The following BRWD3 variants were observed in gnomAD, a reference collection of about 807,000 sequenced individuals.
BRWD3 encodes the protein bromodomain and WD repeat-containing protein 3.
In BRWD3, 10 loss-of-function variants were observed where a neutral mutation model predicts 149.7. The ratio of observed to expected loss-of-function variants is 0.07; its 90% CI spans 0.04 to 0.11. BRWD3 has a LOEUF of 0.11. BRWD3 is among the 10% of genes least tolerant of loss of function. The pLI is 1.00. For synonymous variants in BRWD3, 504 were observed against 456.7 expected, an observed-to-expected ratio of 1.10 and a Z score of -1.32; for missense variants, 940 against 1,373.2, an observed-to-expected ratio of 0.68 and a Z score of 4.99.
At chrX:80,698,735 CAT>C (rs1187032616) in intron 25 of BRWD3, among the ~76,000 whole-genome samples, 2 of 106,426 alleles carry the variant, frequency 1.9e-5, no homozygotes, top group Non-Finnish European at 3.9e-5. Context: ...TAAGAAATCA[CAT>C]GTTTTATTGA....
chrX:80,735,499 A>T (rs1475976294), intron 9 of BRWD3, among the ~76,000 whole-genome samples: 1 of 111,824 alleles, frequency 8.9e-6, no homozygotes, highest in Non-Finnish European at 1.9e-5. Context: ...AAGATTTTCT[A>T]TATAAATTGT....
chrX:80,759,002 A>C (rs2073774529), intron 6 of BRWD3, among the ~76,000 whole-genome samples: 1 of 111,467 alleles, frequency 9.0e-6, no homozygotes, highest in Admixed American at 9.6e-5. Context: ...TTCTTCTGGG[A>C]GGTCTCTAGT....
At chrX:80,735,077 T>A (rs1444631392) in intron 10 of BRWD3, 50 bp downstream of exon 10, 6 of 1,034,227 alleles carry the variant, frequency 5.8e-6, no homozygotes, top group Non-Finnish European at 8.2e-6. Context: ...CTTTCACAAC[T>A]GGATCGTTAA....
chrX:80,692,025 A>G, intron 29 of BRWD3, 47 bp from the exon 30 acceptor site: 1 of 1,178,419 alleles, frequency 8.5e-7, no homozygotes, highest in Non-Finnish European at 1.1e-6. Flanking sequence ...TTATTTTCCA[A>G]TATCATGTGA....
chrX:80,699,219 T>C (rs2147706024), intron 25 of BRWD3, among the ~76,000 whole-genome samples: 1 of 110,589 alleles, frequency 9.0e-6, no homozygotes, highest in African/African-American at 3.3e-5. Context: ...CGTTGCAAAA[T>C]AAATAAAAAA....
At chrX:80,712,071 A>G (rs2072977726) in intron 20 of BRWD3, among the ~76,000 whole-genome samples, 1 of 111,956 alleles carries the variant, frequency 8.9e-6, no homozygotes, top group South Asian at 3.7e-4. Context: ...TATCTTTAGA[A>G]TAAATTTAGT....
At chrX:80,703,987 TAA>T (rs1214321067) in intron 23 of BRWD3, among the ~76,000 whole-genome samples, 1 of 112,262 alleles carries the variant, frequency 8.9e-6, no homozygotes, top group Non-Finnish European at 1.9e-5. Context: ...AAGTTAAAAT[TAA>T]AATAACTACA....
intron 5 of BRWD3, 51 bp downstream of exon 5, chrX:80,793,571 A>G (rs1286677322): frequency 8.8e-7 from 1 of 1,132,226 alleles, no homozygotes; most frequent in Admixed American, 2.3e-5. Flanking sequence ...AAAATAAGCT[A>G]CTCTCCACTC....
intron 39 of BRWD3, among the ~76,000 whole-genome samples, 199 bp downstream of exon 39, chrX:80,681,798 T>G (rs2072451862): frequency 1.8e-5 from 2 of 111,568 alleles, no homozygotes; most frequent in South Asian, 7.4e-4. Flanking sequence ...TTTCATGTAG[T>G]CTAATAAAGA....
At chrX:80,788,188 AG>A (rs2074136665) in intron 6 of BRWD3, among the ~76,000 whole-genome samples, 1 of 108,596 alleles carries the variant, frequency 9.2e-6, no homozygotes, top group Non-Finnish European at 1.9e-5. Context: ...TTGTAATCCC[AG>A]GGGGAGGCCG....
intron 26 of BRWD3, 69 bp from the exon 27 acceptor site, chrX:80,696,059 G>A: frequency 1.0e-6 from 1 of 957,724 alleles, no homozygotes; most frequent in Non-Finnish European, 1.5e-6. Context: ...AAATGTCCAA[G>A]GATATATGTT....
chrX:80,799,123 ATAGT>A (rs1427483796), intron 4 of BRWD3, among the ~76,000 whole-genome samples: 2 of 112,529 alleles, frequency 1.8e-5, no homozygotes, highest in Non-Finnish European at 3.8e-5. Context: ...AACCTTCTTG[ATAGT>A]TAGACTGGCT....
At chrX:80,751,765 C>T (rs2073670417) in intron 6 of BRWD3, among the ~76,000 whole-genome samples, 1 of 110,239 alleles carries the variant, frequency 9.1e-6, no homozygotes, top group South Asian at 3.8e-4. Context: ...CCACTCTCTA[C>T]ATCCAGATGT....
At chrX:80,776,734 C>T (rs1190985229) in intron 6 of BRWD3, among the ~76,000 whole-genome samples, 3 of 111,134 alleles carry the variant, frequency 2.7e-5, no homozygotes, top group African/African-American at 6.6e-5. Context: ...ACAATGTCCC[C>T]GGACCCGCTT....
At chrX:80,682,314 G>T in intron 38 of BRWD3, 151 bp downstream of exon 38, 2 of 678,694 alleles carry the variant, frequency 2.9e-6, no homozygotes, top group Non-Finnish European at 2.2e-6. Context: ...TAGTACTTTT[G>T]ATTACTAACT....
chrX:80,756,886 T>C (rs2073746927), intron 6 of BRWD3, among the ~76,000 whole-genome samples: 1 of 112,100 alleles, frequency 8.9e-6, no homozygotes, highest in African/African-American at 3.2e-5. Flanking sequence ...CTGTGTTCTA[T>C]CTAAATGTCT....
At chrX:80,741,142 G>A (rs1429212993) in intron 8 of BRWD3, among the ~76,000 whole-genome samples, 1 of 109,635 alleles carries the variant, frequency 9.1e-6, no homozygotes, top group Non-Finnish European at 1.9e-5. Context: ...TCCCACCTAT[G>A]AGTGAGAACA....
Position 80,670,391 on chromosome X carries a change from T to C in BRWD3, c.*6218A>G, listed in dbSNP as rs1229409445. ...AAGTAGCTTTAAATTGTCAAGAACA[T>C]ATAATTGAGAGAGGATGGAGAGCAC... is the stretch of plus-strand genomic sequence containing the variant. On this transcript the variant is annotated 3_prime_UTR_variant, in exon 41 of 41. Coordinates refer to ENST00000373275, the MANE Select transcript of BRWD3 (RefSeq NM_153252.5). 9.0e-6 allele frequency among the ~76,000 whole-genome samples: 1 copy of C among 110,595 alleles called. No individual in the cohort carries two copies. The highest frequency in any genetic ancestry group is 3.3e-5 in the African/African-American group (1 of 30,377).
At chrX:80,736,971 T>C (rs753759941) in intron 8 of BRWD3, among the ~76,000 whole-genome samples, 3 of 112,240 alleles carry the variant, frequency 2.7e-5, no homozygotes, top group African/African-American at 9.7e-5. Flanking sequence ...GATTAAGATA[T>C]ATAGGGTTTG....
Sources: allele counts gnomAD v4.1 joint callset (sites outside exome capture counted in the v4.1 genomes callset), GRCh38; gene constraint gnomAD v4.1.1; transcripts MANE v1.5; gene names NCBI Gene and HGNC (gene_info 2026-07-23, HGNC 2026-07-21).